The following SLC30A5 variants were observed in gnomAD, a reference collection of about 807,000 sequenced individuals.
The protein encoded by SLC30A5 is proton-coupled zinc antiporter SLC30A5.
In SLC30A5, 33 loss-of-function variants were observed where a neutral mutation model predicts 79.6. The observed-to-expected ratio is 0.41, with a 90% CI of 0.31 to 0.55. SLC30A5 has a LOEUF of 0.55. Ranked by LOEUF, SLC30A5 falls within the 20% of genes least tolerant of loss-of-function variation. The pLI, the probability that SLC30A5 is intolerant of heterozygous loss-of-function variation, is 0.20. For synonymous variants in SLC30A5, 299 were observed against 319.7 expected (o/e 0.94, Z 0.69); for missense variants, 788 against 928.1 (o/e 0.85, Z 1.96).
chr5:69,115,717 G>A (rs1182842792), intron 8 of SLC30A5, among the ~76,000 whole-genome samples: 5 of 152,134 alleles, frequency 3.3e-5, no homozygotes, highest in Non-Finnish European at 7.4e-5. Flanking sequence ...AGTGTTCATC[G>A]AATGATTACA....
chr5:69,094,578 C>G (rs183550756), intron 1 of SLC30A5, among the ~76,000 whole-genome samples: 11 of 152,118 alleles, frequency 7.2e-5, no homozygotes, highest in African/African-American at 2.7e-4. Flanking sequence ...ACAAGGCAGA[C>G]AGTCAGTCTT....
intron 5 of SLC30A5, among the ~76,000 whole-genome samples, chr5:69,108,916 C>G (rs562892187): frequency 6.6e-6 from 1 of 150,524 alleles, no homozygotes; most frequent in Non-Finnish European, 1.5e-5. Context: ...TATAAGTTTA[C>G]AAAAATAGAT....
intron 5 of SLC30A5, 61 bp from the exon 6 acceptor site, chr5:69,113,079 T>TA (rs1410617352): frequency 1.5e-6 from 2 of 1,328,494 alleles, no homozygotes; most frequent in Non-Finnish European, 2.1e-6. Context: ...TTTATGTAGT[T>TA]ACGGTCTTAA....
intron 13 of SLC30A5, 69 bp from the exon 14 acceptor site, chr5:69,123,127 TTAG>T (rs1440937368): frequency 7.1e-6 from 7 of 987,262 alleles, no homozygotes; most frequent in Admixed American, 2.3e-5. Flanking sequence ...TCCAGTAATA[TTAG>T]TAGAATGTAT....
intron 3 of SLC30A5, chr5:69,104,157 A>G (rs1280239057): frequency 7.9e-7 from 1 of 1,272,220 alleles, no homozygotes; most frequent in East Asian, 3.0e-5. Context: ...TCTTTTTTTG[A>G]GAAAGAGTCT....
chr5:69,124,121 A>AC (rs1377123782), intron 14 of SLC30A5, among the ~76,000 whole-genome samples: 1 of 151,390 alleles, frequency 6.6e-6, no homozygotes, highest in Non-Finnish European at 1.5e-5. Context: ...TCAAAAAAAA[A>AC]AAAAAAAAAC....
intron 12 of SLC30A5, among the ~76,000 whole-genome samples, chr5:69,120,292 G>A (rs1267782294): frequency 1.3e-5 from 2 of 151,778 alleles, no homozygotes; most frequent in African/African-American, 2.4e-5. Context: ...GCTGAGGTAG[G>A]AGAATTGCTT....
chr5:69,108,005 T>TA (rs1746133763), intron 4 of SLC30A5, among the ~76,000 whole-genome samples: 1 of 152,218 alleles, frequency 6.6e-6, no homozygotes, highest in South Asian at 2.1e-4. Flanking sequence ...TGCTGGATTA[T>TA]AGGTGTGAGC....
chr5:69,094,307 G>T lies in SLC30A5; in HGVS notation c.52G>T (p.Gly18Cys), dbSNP rs896254742. The change falls in exon 1 of 16, where the codon GGC (glycine) becomes TGC (cysteine). Residue 18 changes from glycine to cysteine, a missense_variant. Coordinates refer to ENST00000396591, the MANE Select transcript of SLC30A5 (RefSeq NM_022902.5). ...DVLAGPGGGGGLGPVDVPSAR... is the reference protein window; with the variant it reads ...DVLAGPGGGGCLGPVDVPSAR... ...GCTGGCCGGCCCCGGCGGCGGCGGCGGCCTTGGGCCGGTGGACGTACCCAG... is the reference window on the plus strand; with the variant it reads ...GCTGGCCGGCCCCGGCGGCGGCGGCTGCCTTGGGCCGGTGGACGTACCCAG... The T allele has an allele frequency of 9.6e-5, 120 of 1,255,492 alleles. No individual in the cohort carries two copies. Among genetic ancestry groups the T allele is most frequent in the Middle Eastern group, 2.2e-4 (1 of 4,452 alleles). 77.8% of individuals were successfully genotyped at this position (1,255,492 alleles called of 1,614,324 possible).
rs756879244 is a variant in SLC30A5 at position 69,114,496 on chromosome 5, G to A, written c.612G>A (p.Lys204=). Residue 204 remains lysine, a splice_region_variant and synonymous_variant, in exon 7 of 16, where the codon AAG becomes AAA. Coordinates refer to ENST00000396591, the MANE Select transcript of SLC30A5 (RefSeq NM_022902.5). ...CCTTCTTAGGTGTGGCAGATCACAA[G>A]GTATGATTTCTTTGTTCCTAACAGG... ...AIAFLGVADH[K]GGVLLLVLAL... is the part of the protein sequence containing the mutation. 6.4e-7 allele frequency: 1 copy of A among 1,570,378 alleles called. No homozygotes were observed.
At chr5:69,115,556 A>T (rs164580) in intron 8 of SLC30A5, 149 bp downstream of exon 8, 244,881 of 624,152 alleles carry the variant, frequency 0.39, 51,588 homozygotes, top group East Asian at 0.5. Context: ...GTAGTTTTTT[A>T]AAAAAAATTT....
At position 69,128,054 on chromosome 5, in the gene SLC30A5, T is replaced by C. The variant is rs1170358610; in HGVS notation, c.2049T>C (p.Arg683=). 5 of 1,612,242 alleles carry C rather than the reference T, an allele frequency of 3.1e-6. No homozygotes were observed. Among genetic ancestry groups the C allele is most frequent in the Non-Finnish European group, 4.2e-6 (5 of 1,178,716 alleles). The change falls in exon 15 of 16, where the codon CGT becomes CGC. Residue 683 remains arginine (R), a synonymous_variant. Transcript: ENST00000396591. ...LISYRDPHFW[R]HSASIVAGTI... is the part of the protein sequence containing the mutation. ...CATACCGAGACCCTCATTTTTGGCG[T>C]CATTCTGCTAGTATTGTGGCAGGAA...
Position 69,116,201 on chromosome 5 carries a change from A to C in SLC30A5, c.1059A>C (p.Ile353=). 6.3e-7 allele frequency: 1 copy of C among 1,580,104 alleles called. No homozygotes were observed. Among genetic ancestry groups the C allele is most frequent in the Non-Finnish European group, 8.6e-7 (1 of 1,166,976 alleles). ...VLSGGVVVSA[I]FFILSANILS... ...CTGGAGGAGTGGTAGTGAGTGCTAT[A>C]TTCTTCATTTTGTGTAAGCATTCCC... Residue 353 remains isoleucine, a synonymous_variant, in exon 9 of 16, where the codon ATA becomes ATC. Transcript: ENST00000396591. The surrounding 1 kb of genome is among the most constrained non-coding windows in gnomAD (Gnocchi z 4.0).
Position 69,104,562 on chromosome 5 carries a change from A to T in SLC30A5, c.274-69A>T, listed in dbSNP as rs931753412. The stretch of plus-strand genomic sequence containing the variant: ...TGTTATTATTATCTTTCTGTATTTT[A>T]TTTAAAATTTGGATATATAGCAAAA... On this transcript the variant is annotated intron_variant, in intron 3 of 15. Transcript: ENST00000396591. 14 of 1,456,250 alleles carry T rather than the reference A, an allele frequency of 9.6e-6. No homozygotes were observed. The African/African-American group carries it at 2.1e-4, about 22-fold the overall frequency. 90.2% of individuals were successfully genotyped at this position (1,456,250 alleles called of 1,614,324 possible). A position where few individuals can be genotyped will look rare whatever the true frequency, so the allele number is the denominator to read the frequency against.
At chr5:69,097,217 A>G (rs1472610069) in intron 1 of SLC30A5, among the ~76,000 whole-genome samples, 2 of 140,312 alleles carry the variant, frequency 1.4e-5, no homozygotes, top group African/African-American at 2.7e-5. Flanking sequence ...CCGGATTCGC[A>G]CCATTCTCCT....
intron 12 of SLC30A5, 144 bp from the exon 13 acceptor site, chr5:69,121,550 G>T: frequency 3.9e-5 from 21 of 538,878 alleles, no homozygotes; most frequent in East Asian, 6.4e-5. Flanking sequence ...TAAAATTTTG[G>T]ACTTACTGAA....
chr5:69,101,036 C>T (rs1313968270), intron 2 of SLC30A5, 107 bp downstream of exon 2: 13 of 1,102,744 alleles, frequency 1.2e-5, no homozygotes, highest in Non-Finnish European at 1.6e-5. Context: ...GTTTGTTCCT[C>T]CTGACAAGTA....
Position 69,116,664 on chromosome 5 carries a change from C to A in SLC30A5, c.1281+62C>A. The stretch of plus-strand genomic sequence containing the variant: ...GCATAATATTTTAATTTTGACAGTT[C>A]TGGTATAAGTTTAGTACTTCCCAAA... On this transcript the variant is annotated intron_variant, in intron 10 of 15. Coordinates refer to ENST00000396591, the MANE Select transcript of SLC30A5 (RefSeq NM_022902.5). The surrounding 1 kb of genome is among the most constrained non-coding windows in gnomAD (Gnocchi z 4.0). 8.3e-7 allele frequency: 1 copy of A among 1,203,672 alleles called. No homozygotes were observed. The highest frequency in any genetic ancestry group is 1.1e-6 in the Non-Finnish European group (1 of 893,822). 74.6% of individuals were successfully genotyped at this position (1,203,672 alleles called of 1,614,324 possible).
At chr5:69,096,646 A>T (rs2111919394) in intron 1 of SLC30A5, among the ~76,000 whole-genome samples, 1 of 152,296 alleles carries the variant, frequency 6.6e-6, no homozygotes, top group African/African-American at 2.4e-5. Flanking sequence ...CCCAAAAGCC[A>T]GGCTTCAACC....
Sources: gnomAD v4.1 joint callset for allele counts (sites outside exome capture counted in the v4.1 genomes callset) on GRCh38, gnomAD v4.1.1 for gene constraint, Gnocchi (gnomAD v3.1) non-coding constraint, MANE v1.5 for transcripts, NCBI Gene and HGNC (gene_info 2026-07-23, HGNC 2026-07-21) for gene names.